GREB1: variants seen among roughly 807,000 people sequenced by gnomAD.
GREB1 encodes protein GREB1.
In GREB1, 106 loss-of-function variants were observed where a neutral mutation model predicts 200.7. The ratio of observed to expected loss-of-function variants is 0.53; its 90% CI spans 0.45 to 0.62. GREB1 has a LOEUF of 0.62. GREB1 is among the 20% of genes least tolerant of loss of function. The pLI is 0.00. For synonymous variants in GREB1, 1,132 were observed against 1,092.4 expected (o/e 1.04, Z -0.72); for missense variants, 2,243 against 2,556.8 (o/e 0.88, Z 2.65).
chr2:11,566,479 G>A lies in GREB1; in HGVS notation c.278-1G>A, dbSNP rs1160276506. The A allele has an allele frequency of 6.2e-7, 1 of 1,605,434 alleles. No individual in the cohort carries two copies. Among genetic ancestry groups the A allele is most frequent in the East Asian group, 2.2e-5 (1 of 44,756 alleles). ...GTGTGAACCCTGTCCACCCCTCCTA[G>A]GGTTTTGCCAGGCCGGGAAGGACCT... On this transcript the variant is annotated splice_acceptor_variant, in intron 3 of 32. Coordinates refer to ENST00000381486, the MANE Select transcript of GREB1 (RefSeq NM_014668.4). LOFTEE classifies it high-confidence loss of function.
chr2:11,631,685 G>T (rs1045696918), intron 26 of GREB1, among the ~76,000 whole-genome samples: 4 of 152,204 alleles, frequency 2.6e-5, no homozygotes, highest in Non-Finnish European at 4.4e-5. Flanking sequence ...GGAGAGTTCT[G>T]AGAGGGTGTG....
intron 1 of GREB1, among the ~76,000 whole-genome samples, chr2:11,547,815 C>G (rs974556426): frequency 5.3e-5 from 8 of 151,996 alleles, no homozygotes; most frequent in African/African-American, 1.9e-4. Context: ...TTGTTTGTGT[C>G]TAGGCCATCT....
intron 1 of GREB1, among the ~76,000 whole-genome samples, chr2:11,538,915 T>TTC (rs1674493463): frequency 7.9e-5 from 1 of 12,666 alleles, no homozygotes; most frequent in Non-Finnish European, 1.4e-4. Context: ...TCCTTCCCCC[T>TTC]CCCCTCCCCT....
upstream of GREB1, among the ~76,000 whole-genome samples, chr2:11,532,023 C>T (rs563520205): frequency 6.6e-6 from 1 of 152,246 alleles, no homozygotes; most frequent in South Asian, 2.1e-4. Flanking sequence ...CTGCTTTCTA[C>T]TATTGTTTCG....
At chr2:11,501,897 TTTTTTTTG>T (rs1311426134) in intron 1 of GREB1, among the ~76,000 whole-genome samples, 8,379 of 42,528 alleles carry the variant, frequency 0.2, 2,606 homozygotes, top group Non-Finnish European at 0.22. Context: ...GATTTCCTGT[TTTTTTTTG>T]TTTTTTTTTT....
At chr2:11,511,921 T>C (rs141261604) in intron 1 of GREB1, among the ~76,000 whole-genome samples, 1 of 152,256 alleles carries the variant, frequency 6.6e-6, no homozygotes, top group East Asian at 1.9e-4. Flanking sequence ...GGTGTGACTG[T>C]TATTACCACC....
At chr2:11,603,473 A>G (rs1681966834) in intron 17 of GREB1, among the ~76,000 whole-genome samples, 1 of 152,232 alleles carries the variant, frequency 6.6e-6, no homozygotes, top group Non-Finnish European at 1.5e-5. Context: ...TCTGAGAAAC[A>G]TTTAAGGAAA....
At position 11,505,995 on chromosome 2, in the gene GREB1, CA is replaced by C. The variant is rs1221046967; in HGVS notation, c.-159+23615del. Among the ~76,000 whole-genome samples, 19 of 152,286 alleles carry C rather than the reference CA, an allele frequency of 1.2e-4. 1 individual carries two copies. The South Asian group carries it at 1.9e-3, about 15-fold the overall frequency. ...AGTTGTGATGCAGGGTGCAGAGAGG[CA>C]GAGCAATTTACTAATGGTTCTACAG... is the stretch of plus-strand genomic sequence containing the variant. On this transcript the variant is annotated intron_variant, in intron 1 of 2. Transcript: ENST00000628795.
rs754584328 is a variant in GREB1, at chr2:11,637,895, T to C, written c.5526T>C (p.Cys1842=). The C allele has an allele frequency of 5.0e-6, 8 of 1,613,930 alleles. No homozygotes were observed. In the East Asian group the frequency reaches 1.6e-4, roughly 31 times the overall value. ...ACCACCCAGTGCTGTCTGTCGACTGTTACCTGAACCTGGGATCTCAGGTGA... is the reference window on the plus strand; with the variant it reads ...ACCACCCAGTGCTGTCTGTCGACTGCTACCTGAACCTGGGATCTCAGGTGA... ...NHDHPVLSVD[C]YLNLGSQISV... is the part of the protein sequence containing the mutation. Residue 1842 remains cysteine (C), a synonymous_variant, in exon 31 of 33, where the codon TGT becomes TGC. Transcript: ENST00000381486.
chr2:11,543,885 C>T (rs1277038538), intron 1 of GREB1, among the ~76,000 whole-genome samples: 3 of 152,012 alleles, frequency 2.0e-5, no homozygotes, highest in Admixed American at 6.6e-5. Context: ...TATTGACGCC[C>T]GTCTGTGAAT....
upstream of GREB1, among the ~76,000 whole-genome samples, chr2:11,533,517 A>G (rs999784738): frequency 3.9e-5 from 6 of 152,234 alleles, no homozygotes; most frequent in Non-Finnish European, 8.8e-5. Flanking sequence ...ACCCAGCTCC[A>G]CAGCGTCCCT....
intron 11 of GREB1, 132 bp downstream of exon 11, chr2:11,593,258 C>T (rs1481885313): frequency 4.9e-5 from 30 of 611,986 alleles, no homozygotes; most frequent in Non-Finnish European, 8.0e-5. Flanking sequence ...GCGGTTTGTG[C>T]TCAGTAGCTG....
Position 11,610,802 on chromosome 2 carries a change from G to T in GREB1, c.2781G>T (p.Glu927Asp), listed in dbSNP as rs1558630601. 1.9e-6 allele frequency: 3 copies of T among 1,613,548 alleles called. No individual in the cohort carries two copies. The highest frequency in any genetic ancestry group is 2.5e-6 in the Non-Finnish European group (3 of 1,179,998). Residue 927 changes from glutamate (E) to aspartate (D), a missense_variant, in exon 18 of 33, where the codon GAG (glutamate) becomes GAT (aspartate). This residue lies in a region of GREB1 where 1,178 missense variants were observed against 1,387.4 expected (regional missense o/e 0.85). Coordinates refer to ENST00000381486, the MANE Select transcript of GREB1 (RefSeq NM_014668.4). ...LPQMKNYTSV[E>D]TLEITQNLLN... ...AGATGAAGAACTACACGTCGGTGGA[G>T]ACGCTGGAGATCACGCAGAACCTCC...
At chr2:11,503,108 C>T (rs916290833) in intron 1 of GREB1, among the ~76,000 whole-genome samples, 1 of 126,230 alleles carries the variant, frequency 7.9e-6, no homozygotes. Flanking sequence ...AAATCACTCT[C>T]ATCTTATTTC....
At chr2:11,546,810 G>T (rs1412387806) in intron 1 of GREB1, among the ~76,000 whole-genome samples, 1 of 152,162 alleles carries the variant, frequency 6.6e-6, no homozygotes, top group Non-Finnish European at 1.5e-5. Context: ...AACTTTAGAG[G>T]AATGCCTTAA....
chr2:11,573,787 C>T (rs928943652), intron 4 of GREB1, among the ~76,000 whole-genome samples: 5 of 152,218 alleles, frequency 3.3e-5, no homozygotes, highest in Non-Finnish European at 7.3e-5. Context: ...ACAAAGGGCT[C>T]CCTGTGCTTC....
chr2:11,581,223 AG>A, intron 7 of GREB1: 1 of 562,990 alleles, frequency 1.8e-6, no homozygotes, highest in South Asian at 2.5e-5. Context: ...CTTGTTAGTC[AG>A]GGGACCTTGG....
chr2:11,608,393 T>TC (rs200309837), intron 17 of GREB1, among the ~76,000 whole-genome samples: 1,729 of 152,216 alleles, frequency 0.011, 30 homozygotes, highest in African/African-American at 0.04. Flanking sequence ...ATCAATTGGT[T>TC]CCCCCCCTTT....
chr2:11,578,636 C>T (rs1057037010), intron 6 of GREB1, among the ~76,000 whole-genome samples: 3 of 152,112 alleles, frequency 2.0e-5, no homozygotes, highest in Non-Finnish European at 4.4e-5. Context: ...TTCTTTCTTC[C>T]TGTTTGATAT....
Sources: gnomAD v4.1 joint callset for allele counts (sites outside exome capture counted in the v4.1 genomes callset) on GRCh38, gnomAD v4.1.1 for gene constraint, gnomAD v4.1.1 regional missense constraint, MANE v1.5 for transcripts, NCBI Gene and HGNC (gene_info 2026-07-23, HGNC 2026-07-21) for gene names.